Variants in PCLO observed in about 807,000 individuals in gnomAD.
The protein encoded by PCLO is piccolo presynaptic cytomatrix protein.
A neutral mutation model predicts 427.5 loss-of-function variants in PCLO; 82 were observed. That is an observed-to-expected ratio of 0.19 (90% CI 0.16 to 0.23). The LOEUF is 0.23. PCLO is among the 10% of genes least tolerant of loss of function. PCLO has a pLI of 1.00. For missense variants in PCLO, 6,239 were observed against 6,115.9 expected (o/e 1.02, Z -0.67); for synonymous variants, 2,357 against 2,155.4 (o/e 1.09, Z -2.59).
rs1264370955 is a variant in PCLO at position 82,953,987 on chromosome 7, A to T, written c.6966T>A (p.Asp2322Glu). Reference sequence around the variant, plus strand: ...TTCGTTCGGCCTCCAACTCCTTTTTATCTCTGTAAGCTTCCAAAACTTCCA... The same window carrying T: ...TTCGTTCGGCCTCCAACTCCTTTTTTTCTCTGTAAGCTTCCAAAACTTCCA... ...IILEVLEAYR[D>E]KKELEAERTK... is the part of the protein sequence containing the mutation. The change falls in exon 5 of 25, where the codon GAT becomes GAA. Residue 2322 changes from aspartate (D) to glutamate (E), a missense_variant. Around this residue, in one of 5 missense-constraint regions of PCLO, gnomAD observed 4,677 missense variants for 4,468.4 expected, o/e 1.05. Transcript: ENST00000333891. The T allele has an allele frequency of 4.3e-6, 7 of 1,613,758 alleles. No individual in the cohort carries two copies. The highest frequency in any genetic ancestry group is 1.7e-6 in the Non-Finnish European group (2 of 1,179,832).
intron 3 of PCLO, among the ~76,000 whole-genome samples, chr7:82,993,299 G>C (rs1796420098): frequency 6.6e-6 from 1 of 151,824 alleles, no homozygotes; most frequent in Non-Finnish European, 1.5e-5. Flanking sequence ...TGAAAGATCT[G>C]GCCTTGTCTA....
intron 3 of PCLO, among the ~76,000 whole-genome samples, chr7:83,118,998 C>T (rs926024795): frequency 7.9e-5 from 12 of 152,106 alleles, no homozygotes; most frequent in African/African-American, 2.9e-4. Context: ...TATCTTGCAA[C>T]TTGTGTACCA....
chr7:82,953,549 C>T lies in PCLO; in HGVS notation c.7404G>A (p.Leu2468=). ...AVTTLETTAV[L]RSNGLPVTRI... ...TTGTAACAGGTAATCCATTACTTCT[C>T]AGAACAGCTGTGGTCTCTAGAGTAG... Residue 2468 remains leucine, a synonymous_variant, in exon 5 of 25, where the codon CTG becomes CTA. Coordinates refer to ENST00000333891, the MANE Select transcript of PCLO (RefSeq NM_033026.6). 6.2e-7 allele frequency: 1 copy of T among 1,613,212 alleles called. No homozygotes were observed. Among genetic ancestry groups the T allele is most frequent in the Non-Finnish European group, 8.5e-7 (1 of 1,179,572 alleles).
intron 2 of PCLO, among the ~76,000 whole-genome samples, chr7:83,150,052 A>G (rs1220168537): frequency 6.6e-6 from 1 of 152,192 alleles, no homozygotes; most frequent in Admixed American, 6.5e-5. Flanking sequence ...CATTTGGTTC[A>G]TTTTCAACAT....
chr7:82,997,016 G>T (rs2115881165), intron 3 of PCLO, among the ~76,000 whole-genome samples: 1 of 152,096 alleles, frequency 6.6e-6, no homozygotes, highest in African/African-American at 2.4e-5. Flanking sequence ...GTCCAAGGTA[G>T]AACCTAGAAT....
intron 3 of PCLO, among the ~76,000 whole-genome samples, chr7:82,976,711 G>A (rs1355427391): frequency 6.6e-6 from 1 of 151,612 alleles, no homozygotes; most frequent in East Asian, 1.9e-4. Context: ...CAAAGGTTTA[G>A]TTTCTAAAAA....
intron 3 of PCLO, among the ~76,000 whole-genome samples, chr7:83,125,074 G>A (rs1335052784): frequency 6.6e-6 from 1 of 152,070 alleles, no homozygotes; most frequent in African/African-American, 2.4e-5. Flanking sequence ...TGCCCAGGCT[G>A]GAGTGCAGTG....
intron 3 of PCLO, among the ~76,000 whole-genome samples, chr7:83,002,494 C>T (rs900414250): frequency 2.6e-5 from 4 of 151,848 alleles, no homozygotes; most frequent in African/African-American, 9.7e-5. Flanking sequence ...TTTACATACT[C>T]TAAAATCATA....
chr7:82,843,316 C>T (rs1792414321), intron 13 of PCLO, among the ~76,000 whole-genome samples: 1 of 152,016 alleles, frequency 6.6e-6, no homozygotes, highest in African/African-American at 2.4e-5. Flanking sequence ...GAGATAAATG[C>T]CACATTATCT....
intron 6 of PCLO, among the ~76,000 whole-genome samples, chr7:82,936,644 A>G (rs1000401667): frequency 6.6e-6 from 1 of 151,690 alleles, no homozygotes; most frequent in Non-Finnish European, 1.5e-5. Context: ...TGGAATTACT[A>G]TAACATCCAG....
chr7:82,781,426 G>A (rs761626664), intron 22 of PCLO, among the ~76,000 whole-genome samples: 47 of 151,720 alleles, frequency 3.1e-4, no homozygotes, highest in South Asian at 1.0e-3. Flanking sequence ...CTATTTACCC[G>A]TCCTTTAAGT....
intron 10 of PCLO, among the ~76,000 whole-genome samples, chr7:82,868,602 A>G (rs904063972): frequency 6.6e-6 from 1 of 152,238 alleles, no homozygotes; most frequent in African/African-American, 2.4e-5. Flanking sequence ...CAGAATACCT[A>G]TGGACAAACA....
intron 24 of PCLO, among the ~76,000 whole-genome samples, chr7:82,759,515 A>G (rs1448029695): frequency 2.0e-5 from 3 of 151,888 alleles, no homozygotes; most frequent in African/African-American, 7.3e-5. Context: ...TTCATTTCGG[A>G]CAAACTATTG....
chr7:83,113,428 G>A (rs1791055454), intron 3 of PCLO, among the ~76,000 whole-genome samples: 1 of 152,106 alleles, frequency 6.6e-6, no homozygotes, highest in African/African-American at 2.4e-5. Flanking sequence ...ATTTTATAAT[G>A]AGAATTTATT....
chr7:82,984,416 G>GTA (rs1796213710), intron 3 of PCLO, among the ~76,000 whole-genome samples: 1 of 148,946 alleles, frequency 6.7e-6, no homozygotes, highest in African/African-American at 2.5e-5. Flanking sequence ...GTCTGTGTGT[G>GTA]TGTGTGTGTG....
intron 2 of PCLO, among the ~76,000 whole-genome samples, chr7:83,141,018 C>G (rs1027774412): frequency 5.3e-5 from 8 of 152,276 alleles, no homozygotes; most frequent in African/African-American, 1.4e-4. Flanking sequence ...ATGCCTGATT[C>G]ACAGAAGATG....
intron 20 of PCLO, 135 bp from the exon 21 acceptor site, chr7:82,805,964 C>T (rs1408378136): frequency 1.8e-5 from 15 of 815,234 alleles, no homozygotes; most frequent in East Asian, 2.7e-5. Context: ...TTTTTCAACC[C>T]GCCTTTTCGT....
chr7:83,146,728 G>A (rs904397722), intron 2 of PCLO, among the ~76,000 whole-genome samples: 11 of 151,936 alleles, frequency 7.2e-5, no homozygotes, highest in Non-Finnish European at 1.6e-4. Flanking sequence ...AGACTCCAGA[G>A]TAGCTGGGAT....
intron 20 of PCLO, chr7:82,821,994 G>C (rs902877872): frequency 2.0e-6 from 2 of 987,556 alleles, no homozygotes; most frequent in Non-Finnish European, 2.4e-6. Context: ...CAAGGTTCTA[G>C]AAGTTGACTG....
Sources: allele counts gnomAD v4.1 joint callset (sites outside exome capture counted in the v4.1 genomes callset), GRCh38; gene constraint gnomAD v4.1.1; regional missense constraint gnomAD v4.1.1; transcripts MANE v1.5; gene names NCBI Gene and HGNC (gene_info 2026-07-23, HGNC 2026-07-21).